The following DZIP1L variants were observed in gnomAD, a reference collection of about 807,000 sequenced individuals.
DZIP1L encodes the protein cilium assembly protein DZIP1L.
Under a neutral mutation model 88.7 loss-of-function variants are expected in DZIP1L, and 90 were observed. That is an observed-to-expected ratio of 1.02 (90% CI 0.86 to 1.21). The LOEUF (loss-of-function observed/expected upper bound fraction) is 1.21, where lower values mean the gene tolerates loss of function less well. Ranked by LOEUF, DZIP1L falls within the 50% of genes most tolerant of loss-of-function variation. The pLI, the probability that DZIP1L is intolerant of heterozygous loss-of-function variation, is 0.00. For synonymous variants in DZIP1L, 363 were observed against 372.1 expected (o/e 0.98, Z 0.28); for missense variants, 932 against 955.8 (o/e 0.98, Z 0.33).
chr3:138,096,267 C>T (rs1199228757), intron 3 of DZIP1L, among the ~76,000 whole-genome samples: 2 of 152,142 alleles, frequency 1.3e-5, no homozygotes, highest in Non-Finnish European at 2.9e-5. Context: ...TCTCTCCTTA[C>T]AGCACTTTAC....
In DZIP1L at chr3:138,080,637, CAGTT is replaced by C. The variant is rs758537862; in HGVS notation, c.1235-21_1235-18del. On this transcript the variant is annotated intron_variant, in intron 9 of 15. Coordinates refer to ENST00000327532, the MANE Select transcript of DZIP1L (RefSeq NM_173543.3). ...TGTGGATCCCTGAAGAGAGGAGGAA[CAGTT>C]AGTGGCACCAGTGCTCTGGACCCCA... is the stretch of plus-strand genomic sequence containing the variant. 6.2e-7 allele frequency: 1 copy of C among 1,611,946 alleles called. No homozygotes were observed. Among genetic ancestry groups the C allele is most frequent in the Non-Finnish European group, 8.5e-7 (1 of 1,178,910 alleles).
At chr3:138,097,126 G>C (rs1036597444) in intron 3 of DZIP1L, among the ~76,000 whole-genome samples, 2 of 151,650 alleles carry the variant, frequency 1.3e-5, no homozygotes, top group African/African-American at 4.8e-5. Context: ...GGCTGCAATG[G>C]AGCCGAGATC....
At chr3:138,107,475 C>T (rs904558563) in intron 1 of DZIP1L, among the ~76,000 whole-genome samples, 30 of 152,170 alleles carry the variant, frequency 2.0e-4, no homozygotes, top group Admixed American at 2.0e-3. Context: ...GCTTCCAGAA[C>T]TGTGAGAAAT....
In DZIP1L at chr3:138,103,655, G is replaced by A. The variant is rs1368652401; in HGVS notation, c.317C>T (p.Ala106Val). Residue 106 changes from alanine (A) to valine (V), a missense_variant, in exon 2 of 16, where the codon GCC (alanine) becomes GTC (valine). Ala to Val is a moderately conservative substitution (Grantham distance 64). Transcript: ENST00000327532. ...YLLHCQDCLS[A>V]SVAQLEARLQ... ...CCGTGCCTCCAGCTGGGCAACACTG[G>A]CACTCAGGCAATCCTGGCAGTGCAG... is the stretch of plus-strand genomic sequence containing the variant. 1.9e-6 allele frequency: 3 copies of A among 1,608,758 alleles called. No homozygotes were observed. Among genetic ancestry groups the A allele is most frequent in the Non-Finnish European group, 2.5e-6 (3 of 1,179,542 alleles).
chr3:138,068,122 G>T (rs745660963), intron 13 of DZIP1L, 29 bp downstream of exon 13: 2 of 1,457,196 alleles, frequency 1.4e-6, no homozygotes, highest in Non-Finnish European at 9.1e-7. Flanking sequence ...CACTGCAGGT[G>T]GGGTGAGAGG....
At position 138,103,584 on chromosome 3, in the gene DZIP1L, C is replaced by G; in HGVS notation, c.388G>C (p.Gly130Arg). Residue 130 changes from glycine to arginine, a missense_variant, in exon 2 of 16, where the codon GGA (glycine) becomes CGA (arginine). Transcript: ENST00000327532. ...GQQQRGQQELGRQADELKGVR... is the reference protein window; with the variant it reads ...GQQQRGQQELRRQADELKGVR... ...CCCTTGAGCTCGTCAGCCTGGCGTCCCAGCTCCTGCTGACCACGCTGCTGC... is the reference window on the plus strand; with the variant it reads ...CCCTTGAGCTCGTCAGCCTGGCGTCGCAGCTCCTGCTGACCACGCTGCTGC... 6.2e-7 allele frequency: 1 copy of G among 1,607,478 alleles called. No homozygotes were observed. Among genetic ancestry groups the G allele is most frequent in the Admixed American group, 1.7e-5 (1 of 59,854 alleles).
At position 138,083,739 on chromosome 3, in the gene DZIP1L, C is replaced by T. The variant is rs559704039; in HGVS notation, c.1203+374G>A. The stretch of plus-strand genomic sequence containing the variant: ...CGTGAGGACTTGAGTGAGGCACTTC[C>T]CTTCTCCAGCTTATTTCACCATCTG... On this transcript the variant is annotated intron_variant, in intron 8 of 15. Coordinates refer to ENST00000327532, the MANE Select transcript of DZIP1L (RefSeq NM_173543.3). Among the ~76,000 whole-genome samples the T allele has an allele frequency of 2.0e-5, 3 of 152,326 alleles. No homozygotes were observed. In the East Asian group the frequency reaches 5.8e-4, roughly 29 times the overall value.
At chr3:138,105,077 T>G (rs1339883681) in intron 1 of DZIP1L, among the ~76,000 whole-genome samples, 1 of 152,152 alleles carries the variant, frequency 6.6e-6, no homozygotes, top group African/African-American at 2.4e-5. Flanking sequence ...AAAGCAGACT[T>G]ACATGTACTG....
rs1942777884 is a variant in DZIP1L, at chr3:138,063,710, C to T, written c.2143-733G>A. 6.6e-6 allele frequency among the ~76,000 whole-genome samples: 1 copy of T among 152,248 alleles called. No individual in the cohort carries two copies. The highest frequency in any genetic ancestry group is 2.4e-5 in the African/African-American group (1 of 41,468). The stretch of plus-strand genomic sequence containing the variant: ...AGCATGCTCTGAGCGGCGCCTCAAT[C>T]TGTTTGGGGCTGTTGGTGCTCTTTC... On this transcript the variant is annotated intron_variant, in intron 15 of 15. Transcript: ENST00000327532. The surrounding 1 kb of genome is among the most constrained non-coding windows in gnomAD (Gnocchi z 4.1).
At chr3:138,071,571 G>A in intron 12 of DZIP1L, 72 bp downstream of exon 12, 1 of 1,525,646 alleles carries the variant, frequency 6.6e-7, no homozygotes, top group Non-Finnish European at 8.8e-7. Context: ...CCCTCCTCAT[G>A]TGCAAACAAG....
chr3:138,066,432 G>T (rs1247084991), intron 14 of DZIP1L, among the ~76,000 whole-genome samples: 2 of 152,052 alleles, frequency 1.3e-5, no homozygotes, highest in Non-Finnish European at 2.9e-5. Context: ...TTTCTGGGGG[G>T]AAAAATGGTT....
rs1030747075 is a variant in DZIP1L, at chr3:138,088,430, C to G, written c.948G>C (p.Trp316Cys). ...CCTGAAGCTCCCGTGCCTGCCGAAGCCACTCCTCTGACTCCTCATCTCGCA... is the reference window on the plus strand; with the variant it reads ...CCTGAAGCTCCCGTGCCTGCCGAAGGCACTCCTCTGACTCCTCATCTCGCA... Reference protein sequence around the residue: ...GSLRDEESEEWLRQARELQAL... With the variant: ...GSLRDEESEECLRQARELQAL... The change falls in exon 6 of 16, where the codon TGG becomes TGC. Residue 316 changes from tryptophan to cysteine, a missense_variant. Trp to Cys is a radical substitution (Grantham distance 215, BLOSUM62 -2). Coordinates refer to ENST00000327532, the MANE Select transcript of DZIP1L (RefSeq NM_173543.3). The G allele has an allele frequency of 5.6e-6, 9 of 1,613,946 alleles. No homozygotes were observed. The highest frequency in any genetic ancestry group is 7.6e-6 in the Non-Finnish European group (9 of 1,179,944).
At chr3:138,090,484 G>A (rs532736768) in intron 5 of DZIP1L, among the ~76,000 whole-genome samples, 18 of 152,316 alleles carry the variant, frequency 1.2e-4, no homozygotes, top group African/African-American at 3.8e-4. Flanking sequence ...TAGTGGAGCA[G>A]CATCTTCTCT....
At chr3:138,106,409 G>A (rs956292399) in intron 1 of DZIP1L, among the ~76,000 whole-genome samples, 2 of 151,054 alleles carry the variant, frequency 1.3e-5, no homozygotes, top group African/African-American at 4.9e-5. Flanking sequence ...AAGAGCTGGG[G>A]TTACAGGTAT....
At chr3:138,083,841 T>C (rs1390972644) in intron 8 of DZIP1L, among the ~76,000 whole-genome samples, 1 of 152,164 alleles carries the variant, frequency 6.6e-6, no homozygotes, top group Admixed American at 6.5e-5. Flanking sequence ...ATAAGCAAAG[T>C]ATCAGTGAGG....
intron 11 of DZIP1L, 63 bp downstream of exon 11, chr3:138,077,436 C>A: frequency 6.3e-7 from 1 of 1,596,706 alleles, no homozygotes; most frequent in South Asian, 1.1e-5. Flanking sequence ...ATTTGTCTGT[C>A]TGAGAACACT....
At chr3:138,102,957 G>A (rs949431472) in intron 2 of DZIP1L, 17 of 511,182 alleles carry the variant, frequency 3.3e-5, no homozygotes, top group African/African-American at 7.8e-5. Context: ...TGAACCAGGC[G>A]GAGATTCCAG....
rs758211429 is a variant in DZIP1L, at chr3:138,062,829, A to G, written c.2291T>C (p.Val764Ala). Residue 764 changes from valine to alanine, a missense_variant, in exon 16 of 16, where the codon GTC becomes GCC. Val to Ala is a moderately conservative substitution (Grantham distance 64). Transcript: ENST00000327532. ...TGPQSSGQPR[V>A]PAW The stretch of plus-strand genomic sequence containing the variant: ...TTCTGGGGTGAATCACCAGGCAGGG[A>G]CCCTGGGTTGGCCAGAGCTCTGTGG... 5 of 1,613,790 alleles carry G rather than the reference A, an allele frequency of 3.1e-6. No individual in the cohort carries two copies. The African/African-American group carries it at 5.3e-5, about 17-fold the overall frequency.
Position 138,094,898 on chromosome 3 carries a change from T to A in DZIP1L, c.672A>T (p.Glu224Asp), listed in dbSNP as rs746490212. Residue 224 changes from glutamate (E) to aspartate (D), a missense_variant, in exon 4 of 16, where the codon GAA (glutamate) becomes GAT (aspartate). Transcript: ENST00000327532. ...GCTGCCTCTCCGCCTCCCTCTGGGCTTCCAGCTCCCCTTGGGTCCACTTTA... is the reference window on the plus strand; with the variant it reads ...GCTGCCTCTCCGCCTCCCTCTGGGCATCCAGCTCCCCTTGGGTCCACTTTA... ...AKLKWTQGEL[E>D]AQREAERQRQ... 6 of 1,614,250 alleles carry A rather than the reference T, an allele frequency of 3.7e-6. 1 individual carries two copies. The South Asian group carries it at 6.6e-5, about 18-fold the overall frequency.
Sources: gnomAD v4.1 joint callset for allele counts (sites outside exome capture counted in the v4.1 genomes callset) on GRCh38, gnomAD v4.1.1 for gene constraint, Gnocchi (gnomAD v3.1) non-coding constraint, MANE v1.5 for transcripts, NCBI Gene and HGNC (gene_info 2026-07-23, HGNC 2026-07-21) for gene names.